ELF1: variants seen among roughly 807,000 people sequenced by gnomAD.
The protein encoded by ELF1 is ETS-related transcription factor Elf-1.
In ELF1, 24 loss-of-function variants were observed where a neutral mutation model predicts 59.9. The observed-to-expected ratio is 0.40, with a 90% confidence interval of 0.29 to 0.56. The LOEUF (loss-of-function observed/expected upper bound fraction) is 0.56, where lower values mean the gene tolerates loss of function less well. ELF1 is among the 20% of genes least tolerant of loss of function. The probability of loss-of-function intolerance (pLI) is 0.44; values close to 1 mark genes in which losing one functional copy is unlikely to be tolerated. For synonymous variants in ELF1, 248 were observed against 266.2 expected, an observed-to-expected ratio of 0.93 and a Z score of 0.67; for missense variants, 627 against 742.2, an observed-to-expected ratio of 0.84 and a Z score of 1.80.
chr13:41,014,327 G>A (rs1044148580), intron 1 of ELF1, among the ~76,000 whole-genome samples: 7 of 152,084 alleles, frequency 4.6e-5, no homozygotes, highest in Admixed American at 2.6e-4. Context: ...AGAGGGCTCT[G>A]ACAATGAGGA....
intron 1 of ELF1, among the ~76,000 whole-genome samples, chr13:40,987,493 G>A (rs1269823019): frequency 6.7e-6 from 1 of 149,484 alleles, no homozygotes; most frequent in African/African-American, 2.5e-5. Context: ...GACTGAGGCA[G>A]GAGAATTGCT....
At position 41,041,302 on chromosome 13, in the gene ELF1, A is replaced by G. The variant is rs79077131; in HGVS notation, c.-229+19536T>C. On this transcript the variant is annotated intron_variant, in intron 1 of 1. Transcript: ENST00000405737. The stretch of plus-strand genomic sequence containing the variant: ...AAACCTATTACACCATCCGAACTGT[A>G]TAAGCAGACGACATTTTCAAAGTCT... 1.5e-3 allele frequency among the ~76,000 whole-genome samples: 227 copies of G among 151,782 alleles called. 1 individual carries two copies. Among genetic ancestry groups the G allele is most frequent in the Middle Eastern group, 0.01 (3 of 292 alleles).
chr13:40,971,931 C>CA (rs1188572355), intron 2 of ELF1, among the ~76,000 whole-genome samples: 1 of 132,818 alleles, frequency 7.5e-6, no homozygotes, highest in Non-Finnish European at 1.7e-5. Context: ...ATGAGGTAAA[C>CA]AAACAGGTAG....
chr13:40,934,416 CTTTTTTTTTTTTTT>C (rs10692930), intron 8 of ELF1, among the ~76,000 whole-genome samples: 1 of 102,480 alleles, frequency 9.8e-6, no homozygotes, highest in Non-Finnish European at 1.9e-5. Flanking sequence ...TTCATTCCTG[CTTTTTTTTTTTTTT>C]TTTTTTTTTT....
Position 41,040,120 on chromosome 13 carries a change from CTCTA to C in ELF1, c.-229+20714_-229+20717del, listed in dbSNP as rs570307369. On this transcript the variant is annotated intron_variant, in intron 1 of 1. Transcript: ENST00000405737. ...CTTCACAACCAAAAGACTTTAATGC[CTCTA>C]TCTTTTTATCTAGCAGTTTCAGTCC... Among the ~76,000 whole-genome samples, 88 of 152,248 alleles carry C rather than the reference CTCTA, an allele frequency of 5.8e-4. 1 individual carries two copies. The highest frequency in any genetic ancestry group is 1.9e-3 in the African/African-American group (78 of 41,548).
At chr13:40,953,897 C>T (rs1344956410) in intron 3 of ELF1, among the ~76,000 whole-genome samples, 12 of 152,202 alleles carry the variant, frequency 7.9e-5, no homozygotes, top group Non-Finnish European at 7.3e-5. Flanking sequence ...CTGGTTTCCT[C>T]TCTGAGAACT....
chr13:41,046,470 C>G (rs547909203), intron 1 of ELF1, among the ~76,000 whole-genome samples: 13 of 152,232 alleles, frequency 8.5e-5, no homozygotes, highest in South Asian at 6.2e-4. Flanking sequence ...GCTCTTGCAG[C>G]GCAGGCCTGG....
chr13:40,948,796 A>G (rs1445469278), intron 5 of ELF1, among the ~76,000 whole-genome samples: 1 of 152,124 alleles, frequency 6.6e-6, no homozygotes, highest in East Asian at 1.9e-4. Flanking sequence ...GTATTTTTCC[A>G]ACTGGAGTCT....
chr13:40,958,980 C>G lies in ELF1; in HGVS notation c.109G>C (p.Glu37Gln). The G allele has an allele frequency of 1.9e-6, 3 of 1,612,280 alleles. No individual in the cohort carries two copies. Among genetic ancestry groups the G allele is most frequent in the Non-Finnish European group, 1.7e-6 (2 of 1,179,218 alleles). ...AGAATATCAGCACCAGGAACATGTTCCACAATTACGGCAGGAAAAATAGCT... is the reference window on the plus strand; with the variant it reads ...AGAATATCAGCACCAGGAACATGTTGCACAATTACGGCAGGAAAAATAGCT... ...DPAIFPAVIV[E>Q]HVPGADILNS... The change falls in exon 3 of 9, where the codon GAA becomes CAA. Residue 37 changes from glutamate to glutamine, a missense_variant. Physicochemically the swap from Glu to Gln is conservative, Grantham distance 29. This residue lies in a region of ELF1 where 232 missense variants were observed against 269.2 expected (regional missense o/e 0.86). Coordinates refer to ENST00000239882, the MANE Select transcript of ELF1 (RefSeq NM_172373.4).
In ELF1 at chr13:40,933,223, C is replaced by T. The variant is rs1869526158; in HGVS notation, c.*202G>A. 3.2e-6 allele frequency: 2 copies of T among 634,892 alleles called. No individual in the cohort carries two copies. The highest frequency in any genetic ancestry group is 5.1e-6 in the Non-Finnish European group (2 of 395,356). 39.3% of individuals were successfully genotyped at this position (634,892 alleles called of 1,614,324 possible). ...TCATAGTGTAAAATGCCTGTTCCTTCACGATTGAATTCTGAAACATTTAGA... is the reference window on the plus strand; with the variant it reads ...TCATAGTGTAAAATGCCTGTTCCTTTACGATTGAATTCTGAAACATTTAGA... On this transcript the variant is annotated 3_prime_UTR_variant, in exon 9 of 9. Transcript: ENST00000239882.
At chr13:41,040,637 G>T (rs1483221918) in intron 1 of ELF1, among the ~76,000 whole-genome samples, 1 of 152,048 alleles carries the variant, frequency 6.6e-6, no homozygotes, top group African/African-American at 2.4e-5. Flanking sequence ...TTCACAATAC[G>T]GTTCATATTC....
intron 1 of ELF1, among the ~76,000 whole-genome samples, chr13:41,051,934 C>CTTTTT (rs757348738): frequency 1.4e-4 from 18 of 127,238 alleles, no homozygotes; most frequent in African/African-American, 3.6e-4. Context: ...TTCTTTTTCT[C>CTTTTT]TTTTTTTTTT....
chr13:40,973,879 A>G (rs888330358), intron 2 of ELF1, among the ~76,000 whole-genome samples: 1 of 152,226 alleles, frequency 6.6e-6, no homozygotes, highest in African/African-American at 2.4e-5. Context: ...ATGAACCTTG[A>G]TAACAGGATG....
intron 1 of ELF1, among the ~76,000 whole-genome samples, chr13:41,013,289 A>C (rs1332699053): frequency 6.6e-6 from 1 of 152,206 alleles, no homozygotes; most frequent in Non-Finnish European, 1.5e-5. Context: ...GCTCTACAGA[A>C]CTTCTACATT....
At chr13:41,003,893 A>G (rs1874600240) in intron 1 of ELF1, among the ~76,000 whole-genome samples, 2 of 152,160 alleles carry the variant, frequency 1.3e-5, no homozygotes, top group African/African-American at 2.4e-5. Flanking sequence ...CAGCAAAAAC[A>G]AACTGGGGGT....
At position 41,060,813 on chromosome 13, in the gene ELF1, G is replaced by A. The variant is rs548418024; in HGVS notation, c.-229+25C>T. Reference sequence around the variant, plus strand: ...CTAACCGCTAGACCATATGGGAAGTGCTATGAGAAACTGCCGTGACCCACC... The same window carrying A: ...CTAACCGCTAGACCATATGGGAAGTACTATGAGAAACTGCCGTGACCCACC... On this transcript the variant is annotated intron_variant, in intron 1 of 1. Coordinates refer to the ELF1 transcript ENST00000405737. The A allele has an allele frequency of 1.2e-4, 26 of 223,696 alleles. No individual in the cohort carries two copies. In the Admixed American group the frequency reaches 1.2e-3, roughly 10 times the overall value. 13.9% of individuals were successfully genotyped at this position (223,696 alleles called of 1,614,324 possible). A position where few individuals can be genotyped will look rare whatever the true frequency, so the allele number is the denominator to read the frequency against.
intron 2 of ELF1, among the ~76,000 whole-genome samples, chr13:40,979,169 G>GT (rs36162640): frequency 6.6e-6 from 1 of 151,468 alleles, no homozygotes; most frequent in African/African-American, 2.4e-5. Context: ...CAGTAATTCT[G>GT]TTTTTAATAA....
chr13:40,944,708 A>C (rs1334296225), intron 5 of ELF1, among the ~76,000 whole-genome samples: 2 of 152,192 alleles, frequency 1.3e-5, no homozygotes, highest in Non-Finnish European at 2.9e-5. Context: ...TGAGATCATG[A>C]TCATGCTGTC....
chr13:40,941,436 T>C, intron 7 of ELF1, 66 bp from the exon 8 acceptor site: 1 of 1,423,894 alleles, frequency 7.0e-7, no homozygotes, highest in East Asian at 2.3e-5. Context: ...AAAATCAAAT[T>C]TCCCTAATCA....
Sources: gnomAD v4.1 joint callset for allele counts (sites outside exome capture counted in the v4.1 genomes callset) on GRCh38, gnomAD v4.1.1 for gene constraint, gnomAD v4.1.1 regional missense constraint, MANE v1.5 for transcripts, NCBI Gene and HGNC (gene_info 2026-07-23, HGNC 2026-07-21) for gene names.